The following AHCYL2 variants were observed in gnomAD, a reference collection of about 807,000 sequenced individuals.
The protein encoded by AHCYL2 is S-adenosylhomocysteine hydrolase-like protein 2.
In AHCYL2, 28 loss-of-function variants were observed where a neutral mutation model predicts 81.4. The observed-to-expected ratio is 0.34, with a 90% CI of 0.25 to 0.47. AHCYL2 has a LOEUF of 0.47. Ranked by LOEUF, AHCYL2 falls within the 20% of genes least tolerant of loss-of-function variation. The pLI is 1.00. For missense variants in AHCYL2, 551 were observed against 785.1 expected (o/e 0.70, Z 3.56); for synonymous variants, 272 against 290.2 (o/e 0.94, Z 0.64).
At chr7:129,377,571 T>A (rs1441665754) in intron 1 of AHCYL2, 1 of 456,730 alleles carries the variant, frequency 2.2e-6, no homozygotes, top group Admixed American at 2.3e-5. Context: ...CTGCTTTCAT[T>A]CTGGTGTACT....
At position 129,239,472 on chromosome 7, in the gene AHCYL2, C is replaced by A. The variant is rs945310090; in HGVS notation, c.363+14033C>A. The stretch of plus-strand genomic sequence containing the variant: ...AGAGATGGGGGTCTTGCTTTGATAC[C>A]CAGGCTGGAGTGCAGTGGTGCTGGA... On this transcript the variant is annotated intron_variant, in intron 1 of 16. Transcript: ENST00000325006. Among the ~76,000 whole-genome samples, 6 of 150,368 alleles carry A rather than the reference C, an allele frequency of 4.0e-5. No individual in the cohort carries two copies. The South Asian group carries it at 1.3e-3, about 32-fold the overall frequency.
chr7:129,354,618 T>C (rs1194640284), intron 1 of AHCYL2, among the ~76,000 whole-genome samples: 1 of 152,198 alleles, frequency 6.6e-6, no homozygotes, highest in Non-Finnish European at 1.5e-5. Flanking sequence ...GTGGATGACA[T>C]TGAGTAAGAC....
At chr7:129,396,377 G>A (rs913641598) in intron 4 of AHCYL2, among the ~76,000 whole-genome samples, 9 of 151,558 alleles carry the variant, frequency 5.9e-5, no homozygotes, top group Middle Eastern at 3.4e-3. Context: ...TGCCCGCCTC[G>A]GCCTCCCAAA....
chr7:129,296,580 A>G (rs1348290715), intron 1 of AHCYL2, among the ~76,000 whole-genome samples: 1 of 152,118 alleles, frequency 6.6e-6, no homozygotes, highest in Non-Finnish European at 1.5e-5. Context: ...GGCATGTAAC[A>G]CATGCCTGTA....
chr7:129,403,675 A>T (rs1796141136), intron 7 of AHCYL2, among the ~76,000 whole-genome samples, 190 bp downstream of exon 7: 1 of 151,940 alleles, frequency 6.6e-6, no homozygotes, highest in Non-Finnish European at 1.5e-5. Context: ...CATCCTGGCT[A>T]ACACGGTGAA....
At chr7:129,248,704 T>A (rs1795145877) in intron 1 of AHCYL2, among the ~76,000 whole-genome samples, 1 of 151,864 alleles carries the variant, frequency 6.6e-6, no homozygotes, top group Admixed American at 6.6e-5. Flanking sequence ...TGTCAATGTT[T>A]ACAGAAAAAG....
chr7:129,371,639 G>C (rs1328861526), intron 1 of AHCYL2, among the ~76,000 whole-genome samples: 1 of 152,184 alleles, frequency 6.6e-6, no homozygotes, highest in East Asian at 1.9e-4. Context: ...TACTTCCCCT[G>C]AGAGATCTTT....
At chr7:129,398,717 C>T (rs1319973435) in intron 5 of AHCYL2, among the ~76,000 whole-genome samples, 1 of 151,818 alleles carries the variant, frequency 6.6e-6, no homozygotes, top group African/African-American at 2.4e-5. Context: ...TACTGACCTA[C>T]GCTAAGAGCT....
rs755124832 is a variant in AHCYL2, at chr7:129,419,390, C to T, written c.1462-3450C>T. Among the ~76,000 whole-genome samples, 3 of 152,096 alleles carry T rather than the reference C, an allele frequency of 2.0e-5. No individual in the cohort carries two copies. Among genetic ancestry groups the T allele is most frequent in the Non-Finnish European group, 4.4e-5 (3 of 68,030 alleles). On this transcript the variant is annotated intron_variant, in intron 12 of 16. Transcript: ENST00000325006. The surrounding 1 kb of genome is among the most constrained non-coding windows in gnomAD (Gnocchi z 4.7). ...CCAACATGGTGAAACGCCATATCTA[C>T]TAAAAATACAAAAATTAGCTGGGCA...
chr7:129,324,295 G>A (rs961132138), intron 1 of AHCYL2, among the ~76,000 whole-genome samples: 1 of 152,056 alleles, frequency 6.6e-6, no homozygotes, highest in African/African-American at 2.4e-5. Context: ...ATATAGATAG[G>A]TCTTGCTTTT....
chr7:129,312,832 G>A (rs1526900), intron 1 of AHCYL2, among the ~76,000 whole-genome samples: 75,927 of 151,730 alleles, frequency 0.5, 21,422 homozygotes, highest in East Asian at 0.65. Context: ...ACCCCCACCC[G>A]TATGTAACCA....
chr7:129,333,132 A>T (rs926429778), intron 1 of AHCYL2, among the ~76,000 whole-genome samples: 6 of 151,964 alleles, frequency 3.9e-5, no homozygotes, highest in Non-Finnish European at 8.8e-5. Flanking sequence ...GGGATTTATG[A>T]TTTTTTGTTT....
At chr7:129,351,201 A>G (rs1793551017) in intron 1 of AHCYL2, among the ~76,000 whole-genome samples, 1 of 152,202 alleles carries the variant, frequency 6.6e-6, no homozygotes, top group African/African-American at 2.4e-5. Context: ...GTGTTTCCGC[A>G]TAGGCATAAG....
intron 1 of AHCYL2, among the ~76,000 whole-genome samples, chr7:129,317,385 A>G (rs1043924063): frequency 2.0e-5 from 3 of 152,222 alleles, no homozygotes; most frequent in Non-Finnish European, 2.9e-5. Flanking sequence ...CATAAAATTT[A>G]TTGAACCACA....
intron 12 of AHCYL2, among the ~76,000 whole-genome samples, chr7:129,416,045 GA>G (rs1213624420): frequency 1.6e-4 from 24 of 151,456 alleles, no homozygotes; most frequent in African/African-American, 5.8e-4. Flanking sequence ...ATCTCAAAAA[GA>G]AAAAAGAAAC....
intron 1 of AHCYL2, among the ~76,000 whole-genome samples, chr7:129,228,725 A>G (rs1794313268): frequency 6.6e-6 from 1 of 152,262 alleles, no homozygotes; most frequent in Non-Finnish European, 1.5e-5. Flanking sequence ...ATAAGGCTGC[A>G]AGCCCAAGAA....
At chr7:129,364,669 A>G (rs1194009312) in intron 1 of AHCYL2, among the ~76,000 whole-genome samples, 1 of 152,196 alleles carries the variant, frequency 6.6e-6, no homozygotes, top group Non-Finnish European at 1.5e-5. Context: ...TAATTTTCTT[A>G]TCACTGAAAT....
At chr7:129,410,008 G>A (rs1440315867) in intron 11 of AHCYL2, 1 of 676,534 alleles carries the variant, frequency 1.5e-6, no homozygotes, top group South Asian at 2.0e-5. Context: ...CTCTGCAGGA[G>A]GTACATTCTG....
intron 4 of AHCYL2, among the ~76,000 whole-genome samples, chr7:129,390,654 G>A (rs1442132883): frequency 6.6e-6 from 1 of 152,106 alleles, no homozygotes; most frequent in Non-Finnish European, 1.5e-5. Context: ...TCACCCTAAA[G>A]CTGATAGCAA....
Sources: gnomAD v4.1 joint callset for allele counts (sites outside exome capture counted in the v4.1 genomes callset) on GRCh38, gnomAD v4.1.1 for gene constraint, Gnocchi (gnomAD v3.1) non-coding constraint, MANE v1.5 for transcripts, NCBI Gene and HGNC (gene_info 2026-07-23, HGNC 2026-07-21) for gene names.